SLC8A1: variants seen among roughly 807,000 people sequenced by gnomAD.
SLC8A1 encodes the protein sodium/calcium exchanger 1.
SLC8A1 carries 18 observed loss-of-function variants against 68.3 expected under a neutral mutation model. That is an observed-to-expected ratio of 0.26 (90% CI 0.18 to 0.39). The LOEUF (loss-of-function observed/expected upper bound fraction) is 0.39, where lower values mean the gene tolerates loss of function less well. Among genes scored for constraint, SLC8A1 ranks in the 10% least tolerant of loss-of-function variants. The pLI, the probability that SLC8A1 is intolerant of heterozygous loss-of-function variation, is 1.00. For missense variants in SLC8A1, 985 were observed against 1,156.7 expected, an observed-to-expected ratio of 0.85 and a Z score of 2.15; for synonymous variants, 475 against 415.5, an observed-to-expected ratio of 1.14 and a Z score of -1.74.
chr2:40,358,768 T>A (rs1255342994), intron 2 of SLC8A1, among the ~76,000 whole-genome samples: 1 of 152,194 alleles, frequency 6.6e-6, no homozygotes, highest in Non-Finnish European at 1.5e-5. Flanking sequence ...CTCATAAGGT[T>A]TTTTGTCTAT....
intron 4 of SLC8A1, 140 bp downstream of exon 7, chr2:40,170,141 C>T (rs1429887154): frequency 2.7e-6 from 2 of 738,050 alleles, no homozygotes; most frequent in East Asian, 5.3e-5. Flanking sequence ...ATCCACCGTA[C>T]CACTGGCTGC....
chr2:40,325,898 T>G (rs2075773818), intron 2 of SLC8A1, among the ~76,000 whole-genome samples: 2 of 151,336 alleles, frequency 1.3e-5, no homozygotes, highest in South Asian at 4.2e-4. Context: ...ATAGGTTACC[T>G]AGAATGGGTA....
intron 2 of SLC8A1, among the ~76,000 whole-genome samples, chr2:40,290,432 T>C (rs972315324): frequency 4.3e-4 from 65 of 152,208 alleles, no homozygotes; most frequent in Non-Finnish European, 1.6e-4. Flanking sequence ...TCCCCTTCTA[T>C]AGAATATATG....
intron 2 of SLC8A1, among the ~76,000 whole-genome samples, chr2:40,354,956 T>C (rs965053327): frequency 1.3e-5 from 2 of 152,188 alleles, no homozygotes; most frequent in Admixed American, 6.5e-5. Flanking sequence ...AGAACAGGCA[T>C]AGAGAAATGC....
At position 40,211,338 on chromosome 2, in the gene SLC8A1, T is replaced by C. The variant is rs541780009; in HGVS notation, c.1809-33483A>G. 3.3e-3 allele frequency among the ~76,000 whole-genome samples: 496 copies of C among 152,350 alleles called. 2 individuals carry two copies. Among genetic ancestry groups the C allele is most frequent in the Non-Finnish European group, 5.9e-3 (402 of 68,036 alleles). On this transcript the variant is annotated intron_variant, in intron 2 of 7. Transcript: ENST00000406785. ...AGTTTTTGACATTTTATTTGTCTTT[T>C]TGAGAAGCCAGTAGGACTTCAAAAT...
chr2:40,386,720 G>A (rs191404747), intron 2 of SLC8A1, among the ~76,000 whole-genome samples: 2 of 150,592 alleles, frequency 1.3e-5, no homozygotes, highest in Non-Finnish European at 2.9e-5. Flanking sequence ...ATTCATGTAC[G>A]GAAACAGAAC....
At chr2:40,326,175 C>T (rs529094373) in intron 2 of SLC8A1, among the ~76,000 whole-genome samples, 71 of 152,212 alleles carry the variant, frequency 4.7e-4, no homozygotes, top group African/African-American at 1.5e-3. Context: ...CCAGCCTCTT[C>T]GAACTCAGAG....
At chr2:40,344,136 G>A (rs1254249474) in intron 2 of SLC8A1, among the ~76,000 whole-genome samples, 1 of 152,122 alleles carries the variant, frequency 6.6e-6, no homozygotes, top group Non-Finnish European at 1.5e-5. Flanking sequence ...ATTTTTTAGA[G>A]TAATAAGGAG....
chr2:40,206,326 A>C (rs1057170035), intron 2 of SLC8A1, among the ~76,000 whole-genome samples: 4 of 152,044 alleles, frequency 2.6e-5, no homozygotes, highest in Admixed American at 2.0e-4. Flanking sequence ...ATCTTGGAAC[A>C]TTTATTTTAA....
At chr2:40,207,478 C>T in intron 2 of SLC8A1, among the ~76,000 whole-genome samples, 1 of 151,896 alleles carries the variant, frequency 6.6e-6, no homozygotes, top group East Asian at 1.9e-4. Flanking sequence ...TTCTACAGAA[C>T]TCATGATTAC....
chr2:40,314,367 A>AT (rs1429270931), intron 2 of SLC8A1, among the ~76,000 whole-genome samples: 2 of 151,980 alleles, frequency 1.3e-5, no homozygotes, highest in East Asian at 3.9e-4. Context: ...ACTTATTTCT[A>AT]TTTTTATGCC....
intron 1 of SLC8A1, among the ~76,000 whole-genome samples, chr2:40,439,820 A>C: frequency 6.6e-6 from 1 of 152,250 alleles, no homozygotes; most frequent in East Asian, 1.9e-4. Flanking sequence ...AAGTAAAAAG[A>C]AACATATTTT....
intron 1 of SLC8A1, among the ~76,000 whole-genome samples, chr2:40,463,511 TTC>T (rs1259433708): frequency 1.3e-5 from 2 of 152,178 alleles, no homozygotes; most frequent in Admixed American, 6.5e-5. Context: ...CCTTTTTCAC[TTC>T]TCTCTCTCAT....
chr2:40,144,293 A>G (rs2148323259), intron 6 of SLC8A1, among the ~76,000 whole-genome samples: 1 of 152,306 alleles, frequency 6.6e-6, no homozygotes, highest in East Asian at 1.9e-4. Context: ...CACATACCTG[A>G]TCTTATTTCA....
intron 2 of SLC8A1, among the ~76,000 whole-genome samples, chr2:40,210,787 C>T (rs2056437551): frequency 6.6e-6 from 1 of 152,214 alleles, no homozygotes; most frequent in Admixed American, 6.5e-5. Flanking sequence ...TGAATTGCTT[C>T]TCATCAGCTC....
In SLC8A1 at chr2:40,249,305, C is replaced by T. The variant is rs570497648; in HGVS notation, c.1809-71450G>A. ...TGCCTATCCGTTTTTGAGGTATATA[C>T]TTTCAAAACCTTTTGAAATAAAGAG... On this transcript the variant is annotated intron_variant, in intron 2 of 7. Transcript: ENST00000406785. 2.6e-5 allele frequency among the ~76,000 whole-genome samples: 4 copies of T among 152,162 alleles called. No homozygotes were observed. In the East Asian group the frequency reaches 7.7e-4, roughly 29 times the overall value.
intron 2 of SLC8A1, among the ~76,000 whole-genome samples, chr2:40,253,561 C>G (rs539053543): frequency 6.6e-6 from 1 of 151,962 alleles, no homozygotes; most frequent in Non-Finnish European, 1.5e-5. Flanking sequence ...CGCGGTGGCT[C>G]ATGCCTGTAA....
At chr2:40,214,976 GGGATGGTCCC>G (rs1372819000) in intron 2 of SLC8A1, among the ~76,000 whole-genome samples, 1 of 152,048 alleles carries the variant, frequency 6.6e-6, no homozygotes, top group East Asian at 1.9e-4. Context: ...GGACTAGTTT[GGGATGGTCCC>G]TACTTTCAAT....
rs553088069 is a variant in SLC8A1, at chr2:40,331,562, T to C, written c.1808+96911A>G. 5.3e-5 allele frequency among the ~76,000 whole-genome samples: 8 copies of C among 152,258 alleles called. No individual in the cohort carries two copies. The South Asian group carries it at 1.7e-3, about 32-fold the overall frequency. On this transcript the variant is annotated intron_variant, in intron 2 of 7. Coordinates refer to ENST00000406785, the Ensembl canonical transcript of SLC8A1. ...ACTAAAACTCATCAATTATTTTTCA[T>C]TAGGGTGGCTTTTTATTTATTTATT...
Sources: allele counts gnomAD v4.1 joint callset (sites outside exome capture counted in the v4.1 genomes callset), GRCh38; gene constraint gnomAD v4.1.1; transcripts MANE v1.5; gene names NCBI Gene and HGNC (gene_info 2026-07-23, HGNC 2026-07-21).